Variants in GYPB observed in about 807,000 individuals in gnomAD.
GYPB encodes glycophorin-B.
In GYPB, 13 loss-of-function variants were observed where a neutral mutation model predicts 15.3. That is an observed-to-expected ratio of 0.85 (90% CI 0.55 to 1.35). The LOEUF (loss-of-function observed/expected upper bound fraction) is 1.35, where lower values mean the gene tolerates loss of function less well. GYPB is among the 40% of genes most tolerant of loss of function. The probability of loss-of-function intolerance (pLI) is 0.00; values close to 1 mark genes in which losing one functional copy is unlikely to be tolerated. For synonymous variants in GYPB, 38 were observed against 36.9 expected, an observed-to-expected ratio of 1.03 and a Z score of -0.11; for missense variants, 131 against 108.3, an observed-to-expected ratio of 1.21 and a Z score of -0.93.
At chr4:144,007,925 A>T (rs1450634385) in intron 1 of GYPB, among the ~76,000 whole-genome samples, 1 of 151,422 alleles carries the variant, frequency 6.6e-6, no homozygotes, top group African/African-American at 2.5e-5. Context: ...GGTGCACACC[A>T]CCATGCCTGG....
chr4:144,016,666 G>A (rs1236822445), intron 1 of GYPB: 1 of 343,562 alleles, frequency 2.9e-6, no homozygotes, highest in Non-Finnish European at 5.7e-6. Context: ...AACACAAAAA[G>A]CTTTTGGAGA....
Position 143,997,631 on chromosome 4 carries a change from G to A in GYPB, c.179C>T (p.Pro60Leu). 1 of 1,538,584 alleles carries A rather than the reference G, an allele frequency of 6.5e-7. No individual in the cohort carries two copies. The highest frequency in any genetic ancestry group is 9.0e-7 in the Non-Finnish European group (1 of 1,113,818). ...CAAAATAATGAGTATTATCACTACA[G>A]GAGCTAAAGAGAGCAGCAAAATTAT... ...QLVHRFTVPA[P>L]VVIILIILCV... Residue 60 changes from proline (P) to leucine (L), a missense_variant, in exon 4 of 5, where the codon CCT (proline) becomes CTT (leucine). By Grantham distance (98) the Pro-to-Leu change is moderately conservative. Transcript: ENST00000502664.
Position 144,009,615 on chromosome 4 carries a change from T to C in GYPB, c.38-8332A>G, listed in dbSNP as rs1356691192. Among the ~76,000 whole-genome samples, 35 of 111,034 alleles carry C rather than the reference T, an allele frequency of 3.2e-4. 1 individual carries two copies. Among genetic ancestry groups the C allele is most frequent in the African/African-American group, 1.1e-3 (31 of 27,008 alleles). The allele number at this position is 111,034 out of a possible 152,430, so 72.8% of individuals were successfully genotyped here. On this transcript the variant is annotated intron_variant, in intron 1 of 4. Transcript: ENST00000502664. ...TTTTTTTCTTTCTTTTTTTTTTTTT[T>C]TTTTTTTTTTTTTTTTGAGATGGAG...
At chr4:144,017,057 A>G (rs1038412294) in intron 1 of GYPB, among the ~76,000 whole-genome samples, 3 of 150,554 alleles carry the variant, frequency 2.0e-5, no homozygotes, top group African/African-American at 7.5e-5. Flanking sequence ...TCCATTTATT[A>G]TCTGCATTCC....
In GYPB at chr4:144,002,831, G is replaced by C. The variant is rs1452375935; in HGVS notation, c.38-1548C>G. The stretch of plus-strand genomic sequence containing the variant: ...TACCTCCAAATCATGGAGAAGACAT[G>C]ATCTATTGTTCCTAAACTGTCTATG... On this transcript the variant is annotated intron_variant, in intron 1 of 4. Coordinates refer to ENST00000502664, the MANE Select transcript of GYPB (RefSeq NM_002100.6). 1.4e-5 allele frequency: 6 copies of C among 431,354 alleles called. No homozygotes were observed. The Admixed American group carries it at 1.8e-4, about 13-fold the overall frequency. 26.7% of individuals were successfully genotyped at this position (431,354 alleles called of 1,614,324 possible).
At chr4:144,010,092 T>C (rs1728139725) in intron 1 of GYPB, among the ~76,000 whole-genome samples, 1 of 151,280 alleles carries the variant, frequency 6.6e-6, no homozygotes, top group African/African-American at 2.5e-5. Context: ...GAGAAAATTC[T>C]AACCTGCAGT....
chr4:144,019,261 TAATACAAAGA>T lies in GYPB; in HGVS notation c.17_26del (p.Ile6AsnfsTer7). 6.2e-7 allele frequency: 1 copy of T among 1,611,558 alleles called. No individual in the cohort carries two copies. The highest frequency in any genetic ancestry group is 1.4e-5 in the African/African-American group (1 of 73,862). On this transcript the variant is annotated frameshift_variant, in exon 1 of 5. Transcript: ENST00000502664. LOFTEE classifies it high-confidence loss of function. ...AATAAAATCACTTACCTGACAATAG[TAATACAAAGA>T]TTATTTTTCCATACATCCTGAGATC...
chr4:144,010,969 A>G (rs1728186706), intron 1 of GYPB, among the ~76,000 whole-genome samples: 1 of 151,636 alleles, frequency 6.6e-6, no homozygotes, highest in Non-Finnish European at 1.5e-5. Context: ...AAGGAATCAT[A>G]TAATAAAATA....
intron 4 of GYPB, 55 bp from the exon 5 acceptor site, chr4:143,996,359 A>T: frequency 1.9e-6 from 3 of 1,549,834 alleles, no homozygotes; most frequent in Non-Finnish European, 2.6e-6. Flanking sequence ...CCATGAGCTA[A>T]GACTCCACTT....
At chr4:144,004,912 A>C (rs1439558692) in intron 1 of GYPB, among the ~76,000 whole-genome samples, 5 of 151,740 alleles carry the variant, frequency 3.3e-5, no homozygotes, top group Non-Finnish European at 7.3e-5. Context: ...TTAGTTCAGT[A>C]AACTGGGTAG....
chr4:144,002,648 T>C (rs1486590770), intron 1 of GYPB: 13 of 1,286,154 alleles, frequency 1.0e-5, no homozygotes, highest in African/African-American at 6.2e-5. Flanking sequence ...AAGGGCTTCT[T>C]CTCAGAGGCA....
intron 1 of GYPB, chr4:144,002,638 A>T (rs1308688839): frequency 7.8e-7 from 1 of 1,286,138 alleles, no homozygotes; most frequent in South Asian, 1.2e-5. Flanking sequence ...GTGGAGGTGG[A>T]AGGGCTTCTT....
At chr4:144,017,522 T>G (rs539851833) in intron 1 of GYPB, among the ~76,000 whole-genome samples, 3 of 151,140 alleles carry the variant, frequency 2.0e-5, no homozygotes, top group Non-Finnish European at 4.4e-5. Flanking sequence ...CTGGAGACCA[T>G]TGTAGCTTTC....
intron 4 of GYPB, 148 bp downstream of exon 4, chr4:143,997,392 A>G: frequency 1.8e-6 from 1 of 554,870 alleles, no homozygotes; most frequent in South Asian, 2.2e-5. Flanking sequence ...TGCTAGAGAA[A>G]CACAGTGACT....
At position 144,000,780 on chromosome 4, in the gene GYPB, T is replaced by G. The variant is rs577778189; in HGVS notation, c.136+405A>C. ...AAGTACTGTGTTATTGGCCCCATTT[T>G]AAAATTAATGGGATAGAAACCCTGC... On this transcript the variant is annotated intron_variant, in intron 2 of 4. Coordinates refer to ENST00000502664, the MANE Select transcript of GYPB (RefSeq NM_002100.6). Among the ~76,000 whole-genome samples, 5 of 151,164 alleles carry G rather than the reference T, an allele frequency of 3.3e-5. 2 individuals carry two copies. Among genetic ancestry groups the G allele is most frequent in the African/African-American group, 1.2e-4 (5 of 40,504 alleles).
rs556998466 is a variant in GYPB at position 143,999,708 on chromosome 4, A to G, written c.137-259T>C. 6.3e-4 allele frequency among the ~76,000 whole-genome samples: 96 copies of G among 151,416 alleles called. 2 individuals are homozygous for G. The highest frequency in any genetic ancestry group is 1.0e-3 in the South Asian group (5 of 4,804). On this transcript the variant is annotated intron_variant, in intron 2 of 4. Coordinates refer to ENST00000502664, the MANE Select transcript of GYPB (RefSeq NM_002100.6). ...AGCAAATTGTCTCATAACTGAGGGGAAAGGAATGAGAAAGTATTGGAAGAA... is the reference window on the plus strand; with the variant it reads ...AGCAAATTGTCTCATAACTGAGGGGGAAGGAATGAGAAAGTATTGGAAGAA...
intron 2 of GYPB, chr4:144,000,463 C>T (rs1334624965): frequency 3.9e-5 from 43 of 1,103,528 alleles, no homozygotes; most frequent in East Asian, 1.2e-4. Context: ...ACATGTGTCC[C>T]GTTTGTGCTT....
At chr4:144,019,068 C>T (rs1728652161) in intron 1 of GYPB, among the ~76,000 whole-genome samples, 183 bp downstream of exon 1, 1 of 151,220 alleles carries the variant, frequency 6.6e-6, no homozygotes, top group Non-Finnish European at 1.5e-5. Context: ...ATACTGGGCT[C>T]CCTTGTGTCA....
intron 4 of GYPB, among the ~76,000 whole-genome samples, chr4:143,996,791 T>TGCA (rs1028636689): frequency 6.7e-6 from 1 of 150,284 alleles, no homozygotes; most frequent in Non-Finnish European, 1.5e-5. Context: ...TTTAAAAAAC[T>TGCA]TTAATGATTC....
Sources: gnomAD v4.1 joint callset for allele counts (sites outside exome capture counted in the v4.1 genomes callset) on GRCh38, gnomAD v4.1.1 for gene constraint, MANE v1.5 for transcripts, NCBI Gene and HGNC (gene_info 2026-07-23, HGNC 2026-07-21) for gene names.